Variants in PANX2 observed in about 807,000 individuals in gnomAD.
PANX2 encodes pannexin 2.
A neutral mutation model predicts 38.7 loss-of-function variants in PANX2; 30 were observed. The observed-to-expected ratio is 0.78, with a 90% confidence interval of 0.58 to 1.05. The LOEUF (loss-of-function observed/expected upper bound fraction) is 1.05, where lower values mean the gene tolerates loss of function less well. Among genes scored for constraint, PANX2 ranks in the 50% least tolerant of loss-of-function variants. The pLI, the probability that PANX2 is intolerant of heterozygous loss-of-function variation, is 0.00. For missense variants in PANX2, 880 were observed against 979.3 expected, an observed-to-expected ratio of 0.90 and a Z score of 1.35; for synonymous variants, 539 against 472.1, an observed-to-expected ratio of 1.14 and a Z score of -1.84.
Position 50,180,143 on chromosome 22 carries a change from C to T in PANX2, c.*866C>T, listed in dbSNP as rs2063691764. The T allele has an allele frequency of 6.6e-6, 1 of 152,258 alleles. No individual in the cohort carries two copies. Among genetic ancestry groups the T allele is most frequent in the Non-Finnish European group, 1.5e-5 (1 of 68,058 alleles). The allele number at this position is 152,258 out of a possible 1,614,324, so 9.4% of individuals were successfully genotyped here. On this transcript the variant is annotated 3_prime_UTR_variant, in exon 3 of 3. Transcript: ENST00000395842. ...GCAATAACCACGTCCCCCACCCGGG[C>T]CCCCCGCCGCGGCTGAGGCCACATG...
intron 1 of PANX2, among the ~76,000 whole-genome samples, chr22:50,174,244 C>A (rs1021736383): frequency 6.6e-6 from 1 of 151,426 alleles, no homozygotes; most frequent in Non-Finnish European, 1.5e-5. Flanking sequence ...AGGGACCCAG[C>A]TTCACCCTTG....
intron 2 of PANX2, among the ~76,000 whole-genome samples, 168 bp from the exon 3 acceptor site, chr22:50,178,766 G>T (rs1369119739): frequency 6.6e-6 from 1 of 152,206 alleles, no homozygotes; most frequent in Non-Finnish European, 1.5e-5. Context: ...ACAGTGGGGC[G>T]GGGGGTGTTC....
intron 1 of PANX2, among the ~76,000 whole-genome samples, chr22:50,171,694 G>A (rs533873352): frequency 6.6e-5 from 10 of 152,306 alleles, no homozygotes; most frequent in African/African-American, 2.4e-4. Context: ...CTGCGGGGTG[G>A]GGTCCTGGTG....
chr22:50,174,852 A>G (rs2063653635), intron 1 of PANX2, among the ~76,000 whole-genome samples: 1 of 152,144 alleles, frequency 6.6e-6, no homozygotes, highest in African/African-American at 2.4e-5. Context: ...AGCCCCTGCT[A>G]GAAGCTGTGG....
chr22:50,170,929 AC>A lies in PANX2; in HGVS notation c.202del (p.Leu68TrpfsTer166). 1 of 1,520,548 alleles carries A rather than the reference AC, an allele frequency of 6.6e-7. No homozygotes were observed. The highest frequency in any genetic ancestry group is 8.8e-7 in the Non-Finnish European group (1 of 1,133,734). 94.2% of individuals were successfully genotyped at this position (1,520,548 alleles called of 1,614,324 possible). ...GTVLVPILLV[T>X]LVFTKNFAEE... ...CGTGCTGGTGCCCATCCTGCTGGTC[AC>A]CCTGGTCTTCACCAAGAACTTCGCA... On this transcript the variant is annotated frameshift_variant, in exon 1 of 3. Transcript: ENST00000395842. LOFTEE classifies it high-confidence loss of function.
chr22:50,173,793 C>T (rs2063648012), intron 1 of PANX2, among the ~76,000 whole-genome samples: 1 of 152,238 alleles, frequency 6.6e-6, no homozygotes, highest in African/African-American at 2.4e-5. Flanking sequence ...CCTTGCAGCC[C>T]TTCCTGCGTC....
chr22:50,177,723 C>T lies in PANX2; in HGVS notation c.1011C>T (p.Arg337=), dbSNP rs771256066. The T allele has an allele frequency of 2.5e-5, 40 of 1,610,102 alleles. No homozygotes were observed. In the Admixed American group the frequency reaches 6.5e-4, roughly 26 times the overall value. Residue 337 remains arginine, a synonymous_variant, in exon 2 of 3, where the codon CGC becomes CGT. Coordinates refer to ENST00000395842, the MANE Select transcript of PANX2 (RefSeq NM_052839.4). ...KVGIKTRRQW[R]RSQFCDINIL... ...GCATCAAGACGCGCCGGCAGTGGCGCCGCTCGCAGTTCTGCGACATCAACA... is the reference window on the plus strand; with the variant it reads ...GCATCAAGACGCGCCGGCAGTGGCGTCGCTCGCAGTTCTGCGACATCAACA...
intron 1 of PANX2, among the ~76,000 whole-genome samples, chr22:50,174,273 T>C (rs998766642): frequency 2.1e-5 from 3 of 144,866 alleles, no homozygotes; most frequent in South Asian, 2.2e-4. Flanking sequence ...CTTGGGGCCA[T>C]GTGCAGGCCA....
chr22:50,177,228 C>G lies in PANX2; in HGVS notation c.516C>G (p.Arg172=). ...GTTACCACCGGGCGGCCGAGGGCCG[C>G]GCGCCCAAGATCGAGAAGCAGATCC... ...DNCYHRAAEG[R]APKIEKQIQS... The change falls in exon 2 of 3, where the codon CGC becomes CGG. Residue 172 remains arginine (R), a synonymous_variant. Coordinates refer to ENST00000395842, the MANE Select transcript of PANX2 (RefSeq NM_052839.4). 1 of 1,611,292 alleles carries G rather than the reference C, an allele frequency of 6.2e-7. No individual in the cohort carries two copies. The highest frequency in any genetic ancestry group is 1.7e-4 in the Middle Eastern group (1 of 6,060).
chr22:50,177,696 G>T lies in PANX2; in HGVS notation c.984G>T (p.Val328=). The change falls in exon 2 of 3, where the codon GTG becomes GTT. Residue 328 remains valine (V), a synonymous_variant. Transcript: ENST00000395842. ...SNFIFDKLHK[V]GIKTRRQWRR... ...TCATCTTCGACAAGCTGCACAAGGT[G>T]GGCATCAAGACGCGCCGGCAGTGGC... 1 of 1,611,666 alleles carries T rather than the reference G, an allele frequency of 6.2e-7. No homozygotes were observed. Among genetic ancestry groups the T allele is most frequent in the Non-Finnish European group, 8.5e-7 (1 of 1,179,866 alleles).
chr22:50,177,973 C>A lies in PANX2; in HGVS notation c.1261C>A (p.Pro421Thr), dbSNP rs201513526. ...PAEPDGAAEP[P>T]VVKRPRKKMK... ...CGAGCCCGACGGCGCCGCCGAGCCG[C>A]CCGTGGTCAAGCGGCCGCGCAAGAA... is the stretch of plus-strand genomic sequence containing the variant. The change falls in exon 2 of 3, where the codon CCC becomes ACC. Residue 421 changes from proline to threonine, a missense_variant. By Grantham distance (38) the Pro-to-Thr change is conservative. Around this residue, in one of 4 missense-constraint regions of PANX2, gnomAD observed 445 missense variants for 404.3 expected, o/e 1.10. Transcript: ENST00000395842. The A allele has an allele frequency of 4.4e-4, 683 of 1,535,402 alleles. 4 individuals are homozygous for A. In the African/African-American group the frequency reaches 8.2e-3, roughly 18 times the overall value.
At chr22:50,176,408 C>T (rs1184580628) in intron 1 of PANX2, among the ~76,000 whole-genome samples, 3 of 152,218 alleles carry the variant, frequency 2.0e-5, no homozygotes, top group Non-Finnish European at 4.4e-5. Flanking sequence ...AGGGAGGCGC[C>T]CCTCACCCTC....
At chr22:50,172,243 TC>T (rs1304691303) in intron 1 of PANX2, among the ~76,000 whole-genome samples, 24 of 152,202 alleles carry the variant, frequency 1.6e-4, no homozygotes, top group Non-Finnish European at 5.9e-5. Flanking sequence ...CTCTCATGGT[TC>T]CGGAGGCCAA....
At chr22:50,178,852 C>G in intron 2 of PANX2, 82 bp from the exon 3 acceptor site, 1 of 1,268,382 alleles carries the variant, frequency 7.9e-7, no homozygotes, top group Non-Finnish European at 1.1e-6. Flanking sequence ...GCCCTGCTCC[C>G]CCGCCAGCCT....
In PANX2 at chr22:50,178,997, CG is replaced by C. The variant is rs1602403619; in HGVS notation, c.1760del (p.Gly587AlafsTer17). On this transcript the variant is annotated frameshift_variant, in exon 3 of 3. Coordinates refer to ENST00000395842, the MANE Select transcript of PANX2 (RefSeq NM_052839.4). LOFTEE classifies it high-confidence loss of function. ...PTEPARAGLP[S>X]GGPFHVRSPP... ...GAGCCAGCCCGGGCAGGGCTTCCCT[CG>C]GGGGGCCCGTTCCACGTCCGCTCAC... The C allele has an allele frequency of 5.0e-6, 8 of 1,609,194 alleles. No homozygotes were observed. The East Asian group carries it at 6.7e-5, about 13-fold the overall frequency.
At position 50,176,969 on chromosome 22, in the gene PANX2, A is replaced by T; in HGVS notation, c.257A>T (p.Asn86Ile). 1 of 1,561,478 alleles carries T rather than the reference A, an allele frequency of 6.4e-7. No homozygotes were observed. The highest frequency in any genetic ancestry group is 8.6e-7 in the Non-Finnish European group (1 of 1,161,410). Residue 86 changes from asparagine to isoleucine, a missense_variant, in exon 2 of 3, where the codon AAC becomes ATC. Physicochemically the swap from Asn to Ile is moderately radical, Grantham distance 149. Coordinates refer to ENST00000395842, the MANE Select transcript of PANX2 (RefSeq NM_052839.4). ...EEPIYCYTPHNFTRDQALYAR... is the reference protein window; with the variant it reads ...EEPIYCYTPHIFTRDQALYAR... The stretch of plus-strand genomic sequence containing the variant: ...CCCATTTACTGTTACACCCCGCACA[A>T]CTTCACGCGCGACCAGGCGCTGTAC...
rs2063689069 is a variant in PANX2, at chr22:50,179,771, T to A, written c.*494T>A. ...GGGGTCACCCCCTGCAGGGACCTGA[T>A]GCCCTCGGGTGGGAGGGACCGAGGT... On this transcript the variant is annotated 3_prime_UTR_variant, in exon 3 of 3. Coordinates refer to ENST00000395842, the MANE Select transcript of PANX2 (RefSeq NM_052839.4). The A allele has an allele frequency of 6.3e-6, 1 of 158,088 alleles. No individual in the cohort carries two copies. Among genetic ancestry groups the A allele is most frequent in the Non-Finnish European group, 1.4e-5 (1 of 71,482 alleles). 9.8% of individuals were successfully genotyped at this position (158,088 alleles called of 1,614,324 possible).
At chr22:50,176,705 C>CACCT (rs2063662903) in intron 1 of PANX2, among the ~76,000 whole-genome samples, 1 of 152,210 alleles carries the variant, frequency 6.6e-6, no homozygotes, top group African/African-American at 2.4e-5. Flanking sequence ...TCATGGCTTC[C>CACCT]ACCTGCAGGT....
rs775228255 is a variant in PANX2 at position 50,179,246 on chromosome 22, C to T, written c.2003C>T (p.Pro668Leu). The part of the protein sequence containing the change: ...QQILIATFDE[P>L]RTVVSTVEF Reference sequence around the variant, plus strand: ...ATCCTCATCGCCACCTTCGACGAGCCGAGAACGGTCGTGAGTACTGTGGAG... The same window carrying T: ...ATCCTCATCGCCACCTTCGACGAGCTGAGAACGGTCGTGAGTACTGTGGAG... The change falls in exon 3 of 3, where the codon CCG (proline) becomes CTG (leucine). Residue 668 changes from proline to leucine, a missense_variant. Transcript: ENST00000395842. 3.1e-6 allele frequency: 5 copies of T among 1,612,688 alleles called. No individual in the cohort carries two copies. The highest frequency in any genetic ancestry group is 1.7e-5 in the Admixed American group (1 of 60,024).
Sources: allele counts gnomAD v4.1 joint callset (sites outside exome capture counted in the v4.1 genomes callset), GRCh38; gene constraint gnomAD v4.1.1; regional missense constraint gnomAD v4.1.1; transcripts MANE v1.5; gene names NCBI Gene and HGNC (gene_info 2026-07-23, HGNC 2026-07-21).